Variants in PIK3C3 observed in about 807,000 individuals in gnomAD.
PIK3C3 encodes the protein PI3-kinase type 3.
A neutral mutation model predicts 126.1 loss-of-function variants in PIK3C3; 95 were observed. The ratio of observed to expected loss-of-function variants is 0.75; its 90% confidence interval spans 0.64 to 0.89. The LOEUF (loss-of-function observed/expected upper bound fraction) is 0.89. Among genes scored for constraint, PIK3C3 ranks in the 40% least tolerant of loss-of-function variants. PIK3C3 has a pLI of 0.00. For missense variants in PIK3C3, 829 were observed against 1,063.2 expected (o/e 0.78, Z 3.06); for synonymous variants, 374 against 360.0 (o/e 1.04, Z -0.44).
intron 21 of PIK3C3, chr18:42,057,581 C>G (rs515626): frequency 2.5e-5 from 6 of 244,714 alleles, no homozygotes; most frequent in Non-Finnish European, 3.1e-5. Flanking sequence ...TAAAAAGTTA[C>G]CCAGGCTCTG....
chr18:42,067,259 G>C (rs1263189039), intron 23 of PIK3C3, 129 bp from the exon 24 acceptor site: 3 of 798,204 alleles, frequency 3.8e-6, no homozygotes, highest in Non-Finnish European at 6.0e-6. Flanking sequence ...ATTCTAATAA[G>C]TTACAGGTCA....
chr18:42,004,011 G>A (rs1354517422), intron 9 of PIK3C3, among the ~76,000 whole-genome samples: 1 of 152,096 alleles, frequency 6.6e-6, no homozygotes, highest in South Asian at 2.1e-4. Context: ...TTTCTCTAAG[G>A]CATCTTAGAG....
chr18:42,009,305 T>C (rs893109159), intron 10 of PIK3C3, among the ~76,000 whole-genome samples: 1 of 152,186 alleles, frequency 6.6e-6, no homozygotes, highest in African/African-American at 2.4e-5. Flanking sequence ...TAATCTTCCA[T>C]TTAATTTATA....
chr18:42,027,405 C>T, intron 13 of PIK3C3, 38 bp from the exon 14 acceptor site: 1 of 1,188,540 alleles, frequency 8.4e-7, no homozygotes, highest in Non-Finnish European at 1.2e-6. Flanking sequence ...ATCTAAGTTT[C>T]ATTTCACATC....
chr18:42,028,756 C>G (rs898193040), intron 14 of PIK3C3, among the ~76,000 whole-genome samples: 2 of 152,102 alleles, frequency 1.3e-5, no homozygotes, highest in Admixed American at 6.5e-5. Flanking sequence ...GCTTCCCTTA[C>G]CAGGGTAATT....
intron 15 of PIK3C3, among the ~76,000 whole-genome samples, chr18:42,032,086 A>G (rs1311509214): frequency 2.0e-5 from 3 of 152,234 alleles, no homozygotes; most frequent in Non-Finnish European, 4.4e-5. Flanking sequence ...TAGAGTGGCC[A>G]GGTAAGGCCT....
At chr18:42,079,657 A>G (rs1986165422) in intron 24 of PIK3C3, among the ~76,000 whole-genome samples, 1 of 152,240 alleles carries the variant, frequency 6.6e-6, no homozygotes, top group Admixed American at 6.5e-5. Flanking sequence ...CTGGTATATT[A>G]GAGACCTTTG....
rs34767148 is a variant in PIK3C3 at position 42,085,953 on chromosome 18, GTA to G, written c.*4818_*4819del. 0.48 allele frequency: 72,934 copies of G among 150,978 alleles called. 18,897 individuals are homozygous for G. Among genetic ancestry groups the G allele is most frequent in the African/African-American group, 0.69 (28,321 of 41,016 alleles). 9.4% of individuals were successfully genotyped at this position (150,978 alleles called of 1,614,324 possible). On this transcript the variant is annotated 3_prime_UTR_variant, in exon 25 of 25. Transcript: ENST00000262039. ...TATATATTTGTGTGTGTGTGTGTGT[GTA>G]TGTGCGTGCACAAAAATTAGCTGAG...
intron 10 of PIK3C3, among the ~76,000 whole-genome samples, chr18:42,008,642 G>C (rs1010414758): frequency 1.3e-5 from 2 of 151,874 alleles, no homozygotes; most frequent in Admixed American, 1.3e-4. Flanking sequence ...TAGCTCTTGG[G>C]AAGTATTTAC....
At chr18:42,059,626 G>C (rs1156508799) in intron 22 of PIK3C3, among the ~76,000 whole-genome samples, 1 of 152,164 alleles carries the variant, frequency 6.6e-6, no homozygotes, top group Non-Finnish European at 1.5e-5. Flanking sequence ...TATTAATGGA[G>C]AGCCAAGGTT....
At chr18:42,068,763 A>G (rs1359590943) in intron 24 of PIK3C3, among the ~76,000 whole-genome samples, 1 of 152,024 alleles carries the variant, frequency 6.6e-6, no homozygotes, top group Non-Finnish European at 1.5e-5. Context: ...ATCCTGACTA[A>G]CACAGTGAAA....
chr18:42,072,049 C>A (rs184574146), intron 24 of PIK3C3, among the ~76,000 whole-genome samples: 1,882 of 152,180 alleles, frequency 0.012, 50 homozygotes, highest in Admixed American at 0.069. Flanking sequence ...AGTTTATTTT[C>A]TCTTTGAAAC....
Position 42,019,508 on chromosome 18 carries a change from A to G in PIK3C3, c.1417-1130A>G, listed in dbSNP as rs1345234591. ...AAGTAAATAACTTTCTTCTTGAAAA[A>G]CTAACTCTTCTCATGGTTTAGGTGA... On this transcript the variant is annotated intron_variant, in intron 12 of 24. Transcript: ENST00000262039. Among the ~76,000 whole-genome samples, 3 of 151,994 alleles carry G rather than the reference A, an allele frequency of 2.0e-5. No individual in the cohort carries two copies. The East Asian group carries it at 5.8e-4, about 29-fold the overall frequency.
intron 15 of PIK3C3, among the ~76,000 whole-genome samples, chr18:42,029,931 A>G (rs1420191189): frequency 6.6e-6 from 1 of 152,146 alleles, no homozygotes; most frequent in African/African-American, 2.4e-5. Flanking sequence ...AATCTTCATA[A>G]CAACCCTATA....
At chr18:42,061,104 A>G (rs1022831816) in intron 22 of PIK3C3, among the ~76,000 whole-genome samples, 2 of 152,210 alleles carry the variant, frequency 1.3e-5, no homozygotes, top group Admixed American at 6.5e-5. Flanking sequence ...AGAGTGTAGC[A>G]CAATAGTTGG....
At chr18:42,063,617 AAT>A (rs1443176257) in intron 22 of PIK3C3, among the ~76,000 whole-genome samples, 1 of 152,182 alleles carries the variant, frequency 6.6e-6, no homozygotes, top group Non-Finnish European at 1.5e-5. Flanking sequence ...AAAATTCAGA[AAT>A]GAGGATAAAA....
At position 42,081,464 on chromosome 18, in the gene PIK3C3, T is replaced by C. The variant is rs941442455; in HGVS notation, c.*327T>C. 4 of 260,676 alleles carry C rather than the reference T, an allele frequency of 1.5e-5. No individual in the cohort carries two copies. The highest frequency in any genetic ancestry group is 6.6e-5 in the African/African-American group (3 of 45,600). The allele number at this position is 260,676 out of a possible 1,614,324, so 16.1% of individuals were successfully genotyped here. ...AGTAATATGTTGAAATAGTAAAACA[T>C]TTTAGTTTTTGAGTTTAAAATGTTA... On this transcript the variant is annotated 3_prime_UTR_variant, in exon 25 of 25. Coordinates refer to ENST00000262039, the MANE Select transcript of PIK3C3 (RefSeq NM_002647.4).
At chr18:41,966,322 A>G (rs1292897146) in intron 3 of PIK3C3, among the ~76,000 whole-genome samples, 2 of 151,236 alleles carry the variant, frequency 1.3e-5, no homozygotes, top group Non-Finnish European at 2.9e-5. Context: ...GGCCCATGCC[A>G]CCGTGCCCAG....
intron 14 of PIK3C3, among the ~76,000 whole-genome samples, chr18:42,028,457 C>T (rs967133043): frequency 2.0e-5 from 3 of 152,190 alleles, no homozygotes; most frequent in African/African-American, 7.2e-5. Context: ...AGAAAGCTAC[C>T]ACACATTAAT....
Sources: gnomAD v4.1 joint callset for allele counts (sites outside exome capture counted in the v4.1 genomes callset) on GRCh38, gnomAD v4.1.1 for gene constraint, MANE v1.5 for transcripts, NCBI Gene and HGNC (gene_info 2026-07-23, HGNC 2026-07-21) for gene names.